Variants in POLE2 observed in about 807,000 individuals in gnomAD.
POLE2 encodes DNA polymerase epsilon subunit 2.
POLE2 carries 56 observed loss-of-function variants against 79.4 expected under a neutral mutation model. The observed-to-expected ratio is 0.71, with a 90% CI of 0.57 to 0.88. The LOEUF is 0.88. Ranked by LOEUF, POLE2 falls within the 40% of genes least tolerant of loss-of-function variation. POLE2 has a pLI of 0.00. For missense variants in POLE2, 598 were observed against 638.9 expected, an observed-to-expected ratio of 0.94 and a Z score of 0.69; for synonymous variants, 212 against 214.0, an observed-to-expected ratio of 0.99 and a Z score of 0.08.
chr14:49,677,221 A>C, intron 3 of POLE2: 121 of 806,648 alleles, frequency 1.5e-4, no homozygotes, highest in Middle Eastern at 2.4e-4. Flanking sequence ...CCTTTACCTC[A>C]CGGCTTACTG....
At chr14:49,687,290 T>C (rs1005427201) in intron 1 of POLE2, among the ~76,000 whole-genome samples, 49 of 123,112 alleles carry the variant, frequency 4.0e-4, no homozygotes, top group Admixed American at 2.2e-3. Flanking sequence ...TATATATATA[T>C]ACACACACAC....
intron 7 of POLE2, among the ~76,000 whole-genome samples, chr14:49,665,907 A>G (rs895952507): frequency 4.6e-5 from 7 of 151,656 alleles, no homozygotes; most frequent in Admixed American, 3.9e-4. Flanking sequence ...GCTCACTACA[A>G]CCTCCACCTC....
At chr14:49,682,484 A>G (rs779054278) in intron 2 of POLE2, among the ~76,000 whole-genome samples, 3 of 151,294 alleles carry the variant, frequency 2.0e-5, no homozygotes, top group Non-Finnish European at 4.4e-5. Flanking sequence ...TAAAAATACA[A>G]AAATTAGCCA....
At chr14:49,651,689 A>C (rs1039248131) in intron 15 of POLE2, among the ~76,000 whole-genome samples, 1 of 152,206 alleles carries the variant, frequency 6.6e-6, no homozygotes, top group Non-Finnish European at 1.5e-5. Flanking sequence ...AAGATAATTA[A>C]GCATAAGAGA....
intron 13 of POLE2, 128 bp downstream of exon 13, chr14:49,654,656 T>TTCTTTTAA (rs1449315951): frequency 1.8e-6 from 2 of 1,105,098 alleles, no homozygotes; most frequent in Non-Finnish European, 2.5e-6. Context: ...TATCTCTTAG[T>TTCTTTTAA]TCTTTTAATT....
intron 10 of POLE2, among the ~76,000 whole-genome samples, chr14:49,658,099 CAG>C (rs771560855): frequency 1.3e-5 from 2 of 150,254 alleles, no homozygotes; most frequent in African/African-American, 2.5e-5. Context: ...TCTTTTGAGA[CAG>C]AGTCTCGCTC....
chr14:49,644,691 A>G (rs1883633657), intron 18 of POLE2, among the ~76,000 whole-genome samples: 2 of 152,114 alleles, frequency 1.3e-5, no homozygotes, highest in South Asian at 4.1e-4. Flanking sequence ...GAAAGTTCTG[A>G]ATAAGTACAA....
intron 1 of POLE2, among the ~76,000 whole-genome samples, chr14:49,685,529 C>T (rs903796897): frequency 6.6e-5 from 10 of 152,142 alleles, no homozygotes; most frequent in Admixed American, 5.2e-4. Flanking sequence ...ATGTCCCTGG[C>T]CTTCCTGGCA....
At chr14:49,679,503 G>A in intron 3 of POLE2, 1 of 478,744 alleles carries the variant, frequency 2.1e-6, no homozygotes, top group Non-Finnish European at 3.7e-6. Flanking sequence ...GTAATGAATG[G>A]TACAAGCAAC....
At position 49,654,846 on chromosome 14, in the gene POLE2, T is replaced by C; in HGVS notation, c.1019-8A>G. On this transcript the variant is annotated splice_region_variant and splice_polypyrimidine_tract_variant and intron_variant, in intron 12 of 18. Transcript: ENST00000216367. ...CCAAAGTTTTTAGGGAATCTAAAAT[T>C]TTAAAAAGGTATTGAATTAAATTTG... The C allele has an allele frequency of 6.7e-7, 1 of 1,489,628 alleles. No individual in the cohort carries two copies. The highest frequency in any genetic ancestry group is 8.9e-7 in the Non-Finnish European group (1 of 1,123,528). The allele number at this position is 1,489,628 out of a possible 1,614,324, so 92.3% of individuals were successfully genotyped here.
At chr14:49,653,629 T>G (rs1327038496) in intron 15 of POLE2, among the ~76,000 whole-genome samples, 1 of 151,986 alleles carries the variant, frequency 6.6e-6, no homozygotes, top group Non-Finnish European at 1.5e-5. Flanking sequence ...TTTTGTTTTT[T>G]GTTTTTTTTG....
intron 1 of POLE2, among the ~76,000 whole-genome samples, chr14:49,684,868 T>C (rs1352820554): frequency 6.6e-6 from 1 of 151,862 alleles, no homozygotes. Flanking sequence ...TCCCAGCTAC[T>C]TGGGAGGCTG....
chr14:49,649,759 T>C (rs898283836), intron 17 of POLE2, among the ~76,000 whole-genome samples: 1 of 152,190 alleles, frequency 6.6e-6, no homozygotes, highest in African/African-American at 2.4e-5. Flanking sequence ...TAAAAGTCAA[T>C]TATATTTCTG....
At chr14:49,662,364 C>A (rs910411117) in intron 10 of POLE2, among the ~76,000 whole-genome samples, 1 of 152,238 alleles carries the variant, frequency 6.6e-6, no homozygotes, top group Non-Finnish European at 1.5e-5. Flanking sequence ...GTGGTGCGAT[C>A]TCGGCTCACT....
intron 17 of POLE2, among the ~76,000 whole-genome samples, chr14:49,649,727 G>C (rs759716265): frequency 1.3e-5 from 2 of 152,322 alleles, no homozygotes; most frequent in East Asian, 1.9e-4. Flanking sequence ...GGGATTACAG[G>C]TGTGAGCCAC....
chr14:49,680,277 G>C (rs1283515156), intron 2 of POLE2, among the ~76,000 whole-genome samples: 1 of 152,066 alleles, frequency 6.6e-6, no homozygotes, highest in African/African-American at 2.4e-5. Context: ...CTGAGCCCAG[G>C]GAGGTGGAGG....
chr14:49,681,485 G>A (rs1414488141), intron 2 of POLE2: 1 of 152,494 alleles, frequency 6.6e-6, no homozygotes, highest in Non-Finnish European at 1.5e-5. Context: ...TGAAGAAAGA[G>A]AGGAGGGGCC....
At chr14:49,643,845 C>T (rs1266640769) in intron 18 of POLE2, among the ~76,000 whole-genome samples, 175 bp from the exon 19 acceptor site, 1 of 149,662 alleles carries the variant, frequency 6.7e-6, no homozygotes, top group Non-Finnish European at 1.5e-5. Context: ...CTCATGCCCC[C>T]TTTTCTGCTC....
intron 17 of POLE2, among the ~76,000 whole-genome samples, chr14:49,647,722 T>C (rs1883888392): frequency 6.6e-6 from 1 of 152,166 alleles, no homozygotes; most frequent in Non-Finnish European, 1.5e-5. Flanking sequence ...CCTCTCAGAG[T>C]GCTGGGATTA....
Sources: gnomAD v4.1 joint callset for allele counts (sites outside exome capture counted in the v4.1 genomes callset) on GRCh38, gnomAD v4.1.1 for gene constraint, MANE v1.5 for transcripts, NCBI Gene and HGNC (gene_info 2026-07-23, HGNC 2026-07-21) for gene names.